Variants in HYAL4 observed in about 807,000 individuals in gnomAD.
The protein encoded by HYAL4 is hyaluronidase 4.
A neutral mutation model predicts 35.2 loss-of-function variants in HYAL4; 37 were observed. The observed-to-expected ratio is 1.05, with a 90% CI of 0.81 to 1.38. The LOEUF (loss-of-function observed/expected upper bound fraction) is 1.38. Among genes scored for constraint, HYAL4 ranks in the 40% most tolerant of loss-of-function variants. HYAL4 has a pLI of 0.00. For synonymous variants in HYAL4, 198 were observed against 203.2 expected (o/e 0.97, Z 0.22); for missense variants, 572 against 572.4 (o/e 1.00, Z 0.01).
At chr7:123,809,139 T>A in the HYAL4 span, among the ~76,000 whole-genome samples, 3 of 152,276 alleles carry the variant, frequency 2.0e-5, no homozygotes, top group South Asian at 6.2e-4. Flanking sequence ...TCCCAAATTA[T>A]TATTTGTCTT....
chr7:123,862,744 G>C (rs953592582), intron 2 of HYAL4, among the ~76,000 whole-genome samples: 1 of 152,088 alleles, frequency 6.6e-6, no homozygotes, highest in Non-Finnish European at 1.5e-5. Context: ...GCTTTTTATA[G>C]TCTTCCTGCT....
chr7:123,869,613 TGGAAGCA>T (rs886896221), intron 3 of HYAL4, among the ~76,000 whole-genome samples: 23 of 152,050 alleles, frequency 1.5e-4, no homozygotes, highest in African/African-American at 5.3e-4. Flanking sequence ...CTCATACATG[TGGAAGCA>T]GAATTGTCTA....
At chr7:123,825,712 A>T (rs1308955366), upstream of HYAL4, among the ~76,000 whole-genome samples, 3 of 151,948 alleles carry the variant, frequency 2.0e-5, no homozygotes, top group Non-Finnish European at 4.4e-5. Flanking sequence ...CTTGAGTTGA[A>T]CCACTTAGTC....
the HYAL4 span, among the ~76,000 whole-genome samples, chr7:123,775,574 A>G: frequency 2.0e-5 from 3 of 152,204 alleles, no homozygotes; most frequent in East Asian, 3.8e-4. Flanking sequence ...AACTACAGCA[A>G]AGTCACTCTG....
chr7:123,778,194 TATC>T, the HYAL4 span, among the ~76,000 whole-genome samples: 6 of 145,770 alleles, frequency 4.1e-5, no homozygotes, highest in East Asian at 1.5e-3. Context: ...TCTATCTATC[TATC>T]ACCTATTCGT....
At chr7:123,792,624 A>G in the HYAL4 span, among the ~76,000 whole-genome samples, 1 of 152,116 alleles carries the variant, frequency 6.6e-6, no homozygotes, top group Admixed American at 6.6e-5. Context: ...GGGAGGTCCC[A>G]TGGGTGAGGT....
chr7:123,868,261 T>C lies in HYAL4; in HGVS notation c.-13T>C. 2 of 1,458,216 alleles carry C rather than the reference T, an allele frequency of 1.4e-6. No homozygotes were observed. Among genetic ancestry groups the C allele is most frequent in the Non-Finnish European group, 1.8e-6 (2 of 1,086,764 alleles). 90.3% of individuals were successfully genotyped at this position (1,458,216 alleles called of 1,614,324 possible). On this transcript the variant is annotated 5_prime_UTR_variant, in exon 3 of 5. Transcript: ENST00000223026. ...CACTAAAGCAGAAGATAACGTAACA[T>C]TTTTATCTTACCATGAAAGTATTAT...
At chr7:123,820,382 G>A in the HYAL4 span, among the ~76,000 whole-genome samples, 3 of 151,824 alleles carry the variant, frequency 2.0e-5, no homozygotes, top group African/African-American at 4.8e-5. Context: ...TCAGGAGTTC[G>A]AGACCAGCCT....
At chr7:123,794,043 T>C in the HYAL4 span, among the ~76,000 whole-genome samples, 1 of 152,228 alleles carries the variant, frequency 6.6e-6, no homozygotes, top group African/African-American at 2.4e-5. Flanking sequence ...CTGATCATGA[T>C]GTGGACAACA....
At chr7:123,823,880 C>T in the HYAL4 span, among the ~76,000 whole-genome samples, 1 of 151,904 alleles carries the variant, frequency 6.6e-6, no homozygotes, top group African/African-American at 2.4e-5. Flanking sequence ...TCTAAAGCTG[C>T]CTTTGAGTAT....
intron 3 of HYAL4, among the ~76,000 whole-genome samples, chr7:123,873,645 G>A (rs1026117717): frequency 3.3e-5 from 5 of 152,068 alleles, no homozygotes; most frequent in Admixed American, 2.0e-4. Flanking sequence ...TAAAGAGTGG[G>A]GTGAGGGAAT....
chr7:123,772,456 C>T, the HYAL4 span, among the ~76,000 whole-genome samples: 1 of 152,162 alleles, frequency 6.6e-6, no homozygotes, highest in Non-Finnish European at 1.5e-5. Context: ...ACAAGTGACA[C>T]ATGGGACTTG....
chr7:123,821,794 T>A, the HYAL4 span, among the ~76,000 whole-genome samples: 1 of 152,188 alleles, frequency 6.6e-6, no homozygotes, highest in Non-Finnish European at 1.5e-5. Context: ...GTTAAATAAG[T>A]CTTTAGTCCA....
At chr7:123,774,990 A>G in the HYAL4 span, among the ~76,000 whole-genome samples, 1 of 152,234 alleles carries the variant, frequency 6.6e-6, no homozygotes, top group East Asian at 1.9e-4. Context: ...TCCCTCTACA[A>G]GAAACTTAAG....
the HYAL4 span, among the ~76,000 whole-genome samples, chr7:123,778,147 ATCTG>A: frequency 0.039 from 5,534 of 142,102 alleles, 104 homozygotes; most frequent in East Asian, 0.074. Context: ...CCATCTTTCT[ATCTG>A]TCTGTCTGTC....
chr7:123,851,465 T>A (rs1806304498), intron 2 of HYAL4, among the ~76,000 whole-genome samples: 1 of 152,172 alleles, frequency 6.6e-6, no homozygotes. Context: ...ATTGTTCGAC[T>A]CCCACTTACG....
intron 1 of HYAL4, among the ~76,000 whole-genome samples, chr7:123,839,271 T>C (rs1012652609): frequency 5.3e-5 from 8 of 152,076 alleles, no homozygotes; most frequent in African/African-American, 1.7e-4. Flanking sequence ...TTTGCTGAGA[T>C]TGATGGTTTC....
the HYAL4 span, among the ~76,000 whole-genome samples, chr7:123,787,758 T>G: frequency 6.6e-6 from 1 of 152,310 alleles, no homozygotes; most frequent in South Asian, 2.1e-4. Context: ...GTTCAGTGTG[T>G]GTTTATTGAG....
intron 1 of HYAL4, among the ~76,000 whole-genome samples, chr7:123,839,946 A>G (rs1269460860): frequency 2.0e-5 from 3 of 151,844 alleles, no homozygotes; most frequent in South Asian, 2.1e-4. Flanking sequence ...TTGCCTGTTC[A>G]CTCTGATGGT....
Sources: allele counts gnomAD v4.1 joint callset (sites outside exome capture counted in the v4.1 genomes callset), GRCh38; gene constraint gnomAD v4.1.1; transcripts MANE v1.5; gene names NCBI Gene and HGNC (gene_info 2026-07-23, HGNC 2026-07-21).